The following OLFM2 variants were observed in gnomAD, a reference collection of about 807,000 sequenced individuals.
OLFM2 encodes noelin-2.
A neutral mutation model predicts 43.9 loss-of-function variants in OLFM2; 20 were observed. That is an observed-to-expected ratio of 0.46 (90% CI 0.32 to 0.66). The LOEUF (loss-of-function observed/expected upper bound fraction) is 0.66, where lower values mean the gene tolerates loss of function less well. Among genes scored for constraint, OLFM2 ranks in the 30% least tolerant of loss-of-function variants. The pLI is 0.04. For missense variants in OLFM2, 416 were observed against 643.6 expected (o/e 0.65, Z 3.83); for synonymous variants, 268 against 278.6 (o/e 0.96, Z 0.38).
chr19:9,883,983 C>T (rs950443015), intron 1 of OLFM2, among the ~76,000 whole-genome samples: 1 of 152,040 alleles, frequency 6.6e-6, no homozygotes, highest in African/African-American at 2.4e-5. Context: ...TCACAGTAGT[C>T]TTAGCTGGGC....
intron 1 of OLFM2, among the ~76,000 whole-genome samples, chr19:9,881,703 G>T (rs2046541291): frequency 6.7e-6 from 1 of 149,650 alleles, no homozygotes; most frequent in South Asian, 2.1e-4. Context: ...TTGCTGTGTG[G>T]CCTAGGCTGG....
At position 9,856,669 on chromosome 19, in the gene OLFM2, A is replaced by G. The variant is rs1301330734; in HGVS notation, c.687+138T>C. ...GTCACTTGGGGGTTACTGGACAGGG[A>G]GGTCCAATGGCCCTGGGGGATCCAG... On this transcript the variant is annotated intron_variant, in intron 5 of 5. Transcript: ENST00000264833. The surrounding 1 kb of genome is among the most constrained non-coding windows in gnomAD (Gnocchi z 4.0). 3.0e-6 allele frequency: 2 copies of G among 669,652 alleles called. No homozygotes were observed. Among genetic ancestry groups the G allele is most frequent in the Non-Finnish European group, 5.3e-6 (2 of 380,860 alleles). The allele number at this position is 669,652 out of a possible 1,614,324, so 41.5% of individuals were successfully genotyped here.
intron 5 of OLFM2, among the ~76,000 whole-genome samples, chr19:9,855,553 A>T (rs1316933932): frequency 6.6e-6 from 1 of 150,512 alleles, no homozygotes; most frequent in African/African-American, 2.4e-5. Flanking sequence ...TTTTCTTTTG[A>T]AACAAAGTCT....
intron 1 of OLFM2, among the ~76,000 whole-genome samples, chr19:9,873,291 C>T (rs1484545981): frequency 6.6e-6 from 1 of 152,134 alleles, no homozygotes; most frequent in Non-Finnish European, 1.5e-5. Flanking sequence ...GTAGCTGGGA[C>T]TACAGGTGCA....
chr19:9,918,537 A>G (rs748973258), intron 1 of OLFM2, among the ~76,000 whole-genome samples: 3 of 152,214 alleles, frequency 2.0e-5, no homozygotes, highest in Non-Finnish European at 2.9e-5. Flanking sequence ...ACCCAAGAGA[A>G]ACCAAAGCAT....
At chr19:9,860,349 T>C (rs374873121) in intron 2 of OLFM2, among the ~76,000 whole-genome samples, 5 of 151,258 alleles carry the variant, frequency 3.3e-5, no homozygotes, top group Non-Finnish European at 5.9e-5. Flanking sequence ...GTGGTGCATG[T>C]CTGTAGTCCC....
At chr19:9,881,365 G>A (rs1015847778) in intron 1 of OLFM2, among the ~76,000 whole-genome samples, 6 of 152,150 alleles carry the variant, frequency 3.9e-5, no homozygotes, top group African/African-American at 1.2e-4. Flanking sequence ...TAGCCTGACC[G>A]GGCAGGGCTA....
intron 1 of OLFM2, among the ~76,000 whole-genome samples, chr19:9,864,526 C>T (rs1423864996): frequency 6.6e-6 from 1 of 152,134 alleles, no homozygotes; most frequent in Non-Finnish European, 1.5e-5. Context: ...GTCTCGAACT[C>T]CTGGCCTCAA....
At chr19:9,905,007 A>G (rs2046773087) in intron 1 of OLFM2, among the ~76,000 whole-genome samples, 1 of 151,834 alleles carries the variant, frequency 6.6e-6, no homozygotes, top group Non-Finnish European at 1.5e-5. Context: ...TGACAGAGTG[A>G]GACCCTGTCT....
chr19:9,860,551 A>T, intron 2 of OLFM2, 94 bp downstream of exon 2: 1 of 1,357,088 alleles, frequency 7.4e-7, no homozygotes, highest in Non-Finnish European at 1.0e-6. Flanking sequence ...GCATAGCTGG[A>T]TATGGCCACT....
In OLFM2 at chr19:9,854,876, C is replaced by CCGCT; in HGVS notation, c.688-17_688-14dup. The CCGCT allele has an allele frequency of 6.4e-7, 1 of 1,551,924 alleles. No individual in the cohort carries two copies. Among genetic ancestry groups the CCGCT allele is most frequent in the Non-Finnish European group, 8.7e-7 (1 of 1,145,654 alleles). Reference sequence around the variant, plus strand: ...CCATGTACCAGACCTATGGTAGCAGCCGCTGGTCACTGGGGGGAACCACCA... The same window carrying CCGCT: ...CCATGTACCAGACCTATGGTAGCAGCCGCTCGCTGGTCACTGGGGGGAACCACCA... On this transcript the variant is annotated splice_polypyrimidine_tract_variant and intron_variant, in intron 5 of 5. Coordinates refer to ENST00000264833, the MANE Select transcript of OLFM2 (RefSeq NM_058164.4). The surrounding 1 kb of genome is among the most constrained non-coding windows in gnomAD (Gnocchi z 9.5).
intron 1 of OLFM2, among the ~76,000 whole-genome samples, chr19:9,901,913 T>A (rs958427738): frequency 7.9e-5 from 12 of 152,218 alleles, no homozygotes; most frequent in African/African-American, 2.9e-4. Context: ...CTGTTGCCAA[T>A]GGCAATAAAC....
At chr19:9,895,647 A>G (rs1268789124) in intron 1 of OLFM2, among the ~76,000 whole-genome samples, 2 of 152,008 alleles carry the variant, frequency 1.3e-5, no homozygotes, top group Non-Finnish European at 2.9e-5. Context: ...TTATTTATTT[A>G]TATTTTTAGA....
At position 9,936,281 on chromosome 19, in the gene OLFM2, G is replaced by T. The variant is rs934971015; in HGVS notation, c.63+23C>A. ...TCCTCTCCCGGAGCCACCCGCGCCC[G>T]CACCTGCCCGCCGGGCCCCTACCTG... On this transcript the variant is annotated intron_variant, in intron 1 of 5. Coordinates refer to ENST00000264833, the MANE Select transcript of OLFM2 (RefSeq NM_058164.4). 3 of 1,526,604 alleles carry T rather than the reference G, an allele frequency of 2.0e-6. No individual in the cohort carries two copies. The African/African-American group carries it at 4.2e-5, about 21-fold the overall frequency. 94.6% of individuals were successfully genotyped at this position (1,526,604 alleles called of 1,614,324 possible).
intron 1 of OLFM2, among the ~76,000 whole-genome samples, chr19:9,863,853 G>T (rs761234584): frequency 5.9e-5 from 9 of 152,078 alleles, no homozygotes; most frequent in African/African-American, 1.9e-4. Context: ...ATTCATAAAC[G>T]CCAGCTGAAA....
At chr19:9,890,726 G>A (rs1033240520) in intron 1 of OLFM2, among the ~76,000 whole-genome samples, 1 of 152,092 alleles carries the variant, frequency 6.6e-6, no homozygotes, top group Non-Finnish European at 1.5e-5. Context: ...GCCAAGGCAG[G>A]AGAACTGCTT....
chr19:9,936,178 C>G, intron 1 of OLFM2, 126 bp downstream of exon 1: 1 of 1,065,896 alleles, frequency 9.4e-7, no homozygotes. Context: ...CTGCGACCCC[C>G]GCCCCTCGCC....
chr19:9,893,585 C>A (rs1195054348), intron 1 of OLFM2, among the ~76,000 whole-genome samples: 2 of 152,134 alleles, frequency 1.3e-5, no homozygotes, highest in Admixed American at 6.6e-5. Context: ...GTACACCCTG[C>A]CCTAGTAGAA....
At chr19:9,908,367 C>G (rs1359859924) in intron 1 of OLFM2, among the ~76,000 whole-genome samples, 1 of 150,656 alleles carries the variant, frequency 6.6e-6, no homozygotes, top group Admixed American at 6.6e-5. Flanking sequence ...AGTGCAATGG[C>G]GCGATCTCGG....
Sources: allele counts gnomAD v4.1 joint callset (sites outside exome capture counted in the v4.1 genomes callset), GRCh38; gene constraint gnomAD v4.1.1; non-coding constraint Gnocchi (gnomAD v3.1); transcripts MANE v1.5; gene names NCBI Gene and HGNC (gene_info 2026-07-23, HGNC 2026-07-21).